The following PDE1B variants were observed in gnomAD, a reference collection of about 807,000 sequenced individuals.
The protein encoded by PDE1B is phosphodiesterase 1B, also known as dual specificity calcium/calmodulin-dependent 3',5'-cyclic nucleotide phosphodiesterase 1B.
PDE1B carries 13 observed loss-of-function variants against 66.7 expected under a neutral mutation model. The ratio of observed to expected loss-of-function variants is 0.19; its 90% CI spans 0.13 to 0.31. PDE1B has a LOEUF of 0.31. Ranked by LOEUF, PDE1B falls within the 10% of genes least tolerant of loss-of-function variation. The pLI is 1.00. For missense variants in PDE1B, 485 were observed against 682.3 expected (o/e 0.71, Z 3.22); for synonymous variants, 230 against 253.9 (o/e 0.91, Z 0.90).
rs149630948 is a variant in PDE1B at position 54,549,898 on chromosome 12, C to T, written c.26C>T (p.Pro9Leu). The part of the protein sequence containing the change: MELSPRSP[P>L]EMLEESDCPS... ...ATGGAGCTGTCCCCCCGCAGTCCTC[C>T]GGAGATGCTGGAGGAGTCGGATTGC... The change falls in exon 2 of 16, where the codon CCG becomes CTG. Residue 9 changes from proline to leucine, a missense_variant. Transcript: ENST00000243052. 1.7e-4 allele frequency: 276 copies of T among 1,614,020 alleles called. No homozygotes were observed. In the African/African-American group the frequency reaches 3.3e-3, roughly 20 times the overall value.
intron 3 of PDE1B, among the ~76,000 whole-genome samples, chr12:54,568,369 G>A (rs1039716146): frequency 5.3e-5 from 8 of 151,862 alleles, no homozygotes; most frequent in African/African-American, 1.7e-4. Context: ...GGCTGAGGGG[G>A]GAGGATCACC....
Position 54,575,715 on chromosome 12 carries a change from T to TC in PDE1B, c.1267+89dup. The stretch of plus-strand genomic sequence containing the variant: ...GGTCAGGATTGCTCCAAGTCCTCAA[T>TC]CCCCCCAAACCATTCTTCCTGTAGA... On this transcript the variant is annotated intron_variant, in intron 12 of 15. Coordinates refer to ENST00000243052, the MANE Select transcript of PDE1B (RefSeq NM_000924.4). This position sits in a 1 kb window ranked among gnomAD's most constrained non-coding sequence, Gnocchi z 4.0. 3 of 1,015,340 alleles carry TC rather than the reference T, an allele frequency of 3.0e-6. No individual in the cohort carries two copies. The highest frequency in any genetic ancestry group is 2.4e-5 in the East Asian group (1 of 42,194). 62.9% of individuals were successfully genotyped at this position (1,015,340 alleles called of 1,614,324 possible). A position where few individuals can be genotyped will look rare whatever the true frequency, so the allele number is the denominator to read the frequency against.
intron 2 of PDE1B, among the ~76,000 whole-genome samples, chr12:54,550,801 G>A (rs1446156088): frequency 6.6e-6 from 1 of 152,160 alleles, no homozygotes; most frequent in Admixed American, 6.5e-5. Flanking sequence ...GAATAAATGG[G>A]GGAAGGAAGA....
intron 2 of PDE1B, chr12:54,554,211 G>A (rs571421728): frequency 6.6e-6 from 1 of 152,258 alleles, no homozygotes; most frequent in South Asian, 2.1e-4. Flanking sequence ...CCCTCTTTTT[G>A]TATAGGCCCC....
chr12:54,570,165 T>C (rs1592380838), intron 5 of PDE1B, 76 bp from the exon 6 acceptor site: 1 of 844,818 alleles, frequency 1.2e-6, no homozygotes, highest in East Asian at 2.4e-5. Context: ...TTTGTACTCA[T>C]GGGAAGTCCT....
intron 2 of PDE1B, among the ~76,000 whole-genome samples, chr12:54,563,663 A>T (rs1183053066): frequency 6.6e-6 from 1 of 152,312 alleles, no homozygotes; most frequent in African/African-American, 2.4e-5. Context: ...ATTCCTATTC[A>T]AATTACATTT....
chr12:54,573,066 TG>T lies in PDE1B; in HGVS notation c.736-81del. 5 of 989,846 alleles carry T rather than the reference TG, an allele frequency of 5.1e-6. No homozygotes were observed. The South Asian group carries it at 6.7e-5, about 13-fold the overall frequency. 61.3% of individuals were successfully genotyped at this position (989,846 alleles called of 1,614,324 possible). ...GGAAGCATGGAAGGGATGGGATGAG[TG>T]ATCTAGCCTGTGTGTGGAGGTTCCT... On this transcript the variant is annotated intron_variant, in intron 7 of 15. Coordinates refer to ENST00000243052, the MANE Select transcript of PDE1B (RefSeq NM_000924.4). The surrounding 1 kb of genome is among the most constrained non-coding windows in gnomAD (Gnocchi z 5.2).
At chr12:54,560,422 AC>A (rs1957389946) in intron 2 of PDE1B, among the ~76,000 whole-genome samples, 1 of 151,920 alleles carries the variant, frequency 6.6e-6, no homozygotes, top group African/African-American at 2.4e-5. Flanking sequence ...TTACCACATC[AC>A]CCGCAGCCAT....
chr12:54,574,468 C>T (rs1345250990), intron 10 of PDE1B: 1 of 152,252 alleles, frequency 6.6e-6, no homozygotes, highest in Non-Finnish European at 1.5e-5. Context: ...TTGTTATTTC[C>T]ATTTTAGAGT....
rs1363153184 is a variant in PDE1B at position 54,578,808 on chromosome 12, C to T, written c.*966C>T. ...GCATTGCTAAAAGAGAGGGTCTGTC[C>T]CCTCCTCTCCACGTCCCAGAACTGG... On this transcript the variant is annotated 3_prime_UTR_variant, in exon 16 of 16. Transcript: ENST00000243052. 6.6e-6 allele frequency: 1 copy of T among 152,258 alleles called. No homozygotes were observed. Among genetic ancestry groups the T allele is most frequent in the Non-Finnish European group, 1.5e-5 (1 of 68,174 alleles). The allele number at this position is 152,258 out of a possible 1,614,324, so 9.4% of individuals were successfully genotyped here. A position where few individuals can be genotyped will look rare whatever the true frequency, so the allele number is the denominator to read the frequency against.
Position 54,569,709 on chromosome 12 carries a change from T to G in PDE1B, c.477+97T>G. On this transcript the variant is annotated intron_variant, in intron 5 of 15. Coordinates refer to ENST00000243052, the MANE Select transcript of PDE1B (RefSeq NM_000924.4). This position sits in a 1 kb window ranked among gnomAD's most constrained non-coding sequence, Gnocchi z 4.4. ...TTTATGGCATTATTTTTGCCTTCCT[T>G]TTTTTTTTTTGAAATGGAGTCTCGC... 1 of 758,224 alleles carries G rather than the reference T, an allele frequency of 1.3e-6. No homozygotes were observed. The highest frequency in any genetic ancestry group is 1.6e-5 in the South Asian group (1 of 62,108). 47.0% of individuals were successfully genotyped at this position (758,224 alleles called of 1,614,324 possible). A position where few individuals can be genotyped will look rare whatever the true frequency, so the allele number is the denominator to read the frequency against.
At chr12:54,560,908 C>A (rs1373668017) in intron 2 of PDE1B, among the ~76,000 whole-genome samples, 1 of 152,134 alleles carries the variant, frequency 6.6e-6, no homozygotes, top group Non-Finnish European at 1.5e-5. Flanking sequence ...TCCTTCTCTG[C>A]TTGCGGGTGG....
intron 2 of PDE1B, chr12:54,554,500 G>A (rs543620404): frequency 1.3e-5 from 2 of 152,334 alleles, no homozygotes; most frequent in South Asian, 4.1e-4. Flanking sequence ...AATGTCTCCT[G>A]TCTCTATTTC....
chr12:54,571,811 G>A (rs1305609510), intron 6 of PDE1B: 1 of 152,202 alleles, frequency 6.6e-6, no homozygotes, highest in Non-Finnish European at 1.5e-5. Flanking sequence ...GGGTGCGGGT[G>A]GGGGATGTTA....
rs901706380 is a variant in PDE1B at position 54,570,510 on chromosome 12, C to A, written c.594+153C>A. Reference sequence around the variant, plus strand: ...CATGCCCACGCCCAGCCTAGCCTTTCTTTCACTTGCTGCAGTCTTAGTTCC... The same window carrying A: ...CATGCCCACGCCCAGCCTAGCCTTTATTTCACTTGCTGCAGTCTTAGTTCC... On this transcript the variant is annotated intron_variant, in intron 6 of 15. Transcript: ENST00000243052. 20 of 622,990 alleles carry A rather than the reference C, an allele frequency of 3.2e-5. No individual in the cohort carries two copies. The African/African-American group carries it at 3.5e-4, about 11-fold the overall frequency. The allele number at this position is 622,990 out of a possible 1,614,324, so 38.6% of individuals were successfully genotyped here.
intron 2 of PDE1B, among the ~76,000 whole-genome samples, chr12:54,551,123 G>A (rs371155266): frequency 5.3e-5 from 8 of 152,186 alleles, no homozygotes; most frequent in Admixed American, 2.6e-4. Flanking sequence ...AGTGAGCACC[G>A]AAGCTTTCTA....
chr12:54,576,531 G>A, intron 13 of PDE1B, 40 bp from the exon 14 acceptor site: 1 of 1,613,192 alleles, frequency 6.2e-7, no homozygotes. Context: ...GGAGTGGGCT[G>A]GGGCTTACCT....
rs146735076 is a variant in PDE1B at position 54,572,672 on chromosome 12, C to T, written c.666C>T (p.Tyr222=). 56 of 1,613,854 alleles carry T rather than the reference C, an allele frequency of 3.5e-5. No homozygotes were observed. The African/African-American group carries it at 6.8e-4, about 20-fold the overall frequency. ...GCTATGGGAAGTACAAGAATCCTTA[C>T]CACAACCAGATCCACGCAGCCGATG... is the stretch of plus-strand genomic sequence containing the variant. ...ETGYGKYKNP[Y]HNQIHAADVT... is the part of the protein sequence containing the mutation. Residue 222 remains tyrosine (Y), a synonymous_variant, in exon 7 of 16, where the codon TAC becomes TAT. Coordinates refer to ENST00000243052, the MANE Select transcript of PDE1B (RefSeq NM_000924.4).
chr12:54,561,363 G>A, intron 2 of PDE1B: 7 of 754,934 alleles, frequency 9.3e-6, no homozygotes, highest in Non-Finnish European at 1.3e-5. Flanking sequence ...TTTTCCCGCA[G>A]CCTCCCCTCT....
Sources: allele counts gnomAD v4.1 joint callset (sites outside exome capture counted in the v4.1 genomes callset), GRCh38; gene constraint gnomAD v4.1.1; non-coding constraint Gnocchi (gnomAD v3.1); transcripts MANE v1.5; gene names NCBI Gene and HGNC (gene_info 2026-07-23, HGNC 2026-07-21).